TPTE2: variants seen among roughly 807,000 people sequenced by gnomAD.
TPTE2 encodes transmembrane phosphoinositide 3-phosphatase and tensin homolog 2.
In TPTE2, 53 loss-of-function variants were observed where a neutral mutation model predicts 78.6. That is an observed-to-expected ratio of 0.67 (90% confidence interval 0.54 to 0.85). The LOEUF (loss-of-function observed/expected upper bound fraction) is 0.85, where lower values mean the gene tolerates loss of function less well. TPTE2 is among the 40% of genes least tolerant of loss of function. TPTE2 has a pLI of 0.00. For synonymous variants in TPTE2, 175 were observed against 206.2 expected (o/e 0.85, Z 1.30); for missense variants, 461 against 623.0 (o/e 0.74, Z 2.77).
At chr13:19,467,017 T>A (rs2497250) in intron 7 of TPTE2, among the ~76,000 whole-genome samples, 142,273 of 152,240 alleles carry the variant, frequency 0.93, 66,762 homozygotes, top group East Asian at 1. Flanking sequence ...TTAATGGTAC[T>A]TAGCGTGTAT....
chr13:19,448,843 C>T (rs1424572903), intron 13 of TPTE2, among the ~76,000 whole-genome samples: 4 of 152,138 alleles, frequency 2.6e-5, no homozygotes, highest in African/African-American at 7.2e-5. Flanking sequence ...TCTGCACTCC[C>T]GTGTTCACTG....
intron 1 of TPTE2, among the ~76,000 whole-genome samples, chr13:19,501,207 G>A (rs376388523): frequency 2.1e-4 from 7 of 32,634 alleles, no homozygotes; most frequent in Admixed American, 8.4e-4. Flanking sequence ...AATCAATATC[G>A]TGAAAATGGC....
At chr13:19,545,233 A>G in the TPTE2 span, among the ~76,000 whole-genome samples, 2 of 152,192 alleles carry the variant, frequency 1.3e-5, no homozygotes, top group Admixed American at 6.5e-5. Context: ...AAAAGGCTTC[A>G]AAAAGCCTTA....
intron 1 of TPTE2, among the ~76,000 whole-genome samples, chr13:19,536,024 A>G (rs1370591944): frequency 6.6e-6 from 1 of 152,202 alleles, no homozygotes; most frequent in African/African-American, 2.4e-5. Flanking sequence ...ATTTATTCAC[A>G]ACTAATTTCT....
chr13:19,506,620 C>T (rs1368754381), upstream of TPTE2, among the ~76,000 whole-genome samples: 4 of 152,158 alleles, frequency 2.6e-5, no homozygotes, highest in Non-Finnish European at 5.9e-5. Context: ...CAAATAGCTG[C>T]AGTTACTCTA....
At chr13:19,534,365 T>G (rs1210351924) in intron 1 of TPTE2, among the ~76,000 whole-genome samples, 1 of 152,232 alleles carries the variant, frequency 6.6e-6, no homozygotes, top group East Asian at 1.9e-4. Flanking sequence ...CCAGACCGTC[T>G]GTATATGAAA....
intron 6 of TPTE2, among the ~76,000 whole-genome samples, chr13:19,469,492 G>A (rs1191173493): frequency 2.6e-5 from 4 of 152,114 alleles, no homozygotes; most frequent in African/African-American, 9.7e-5. Context: ...GCTTAGAATA[G>A]TTTTGGCTAT....
chr13:19,438,448 AT>A (rs1451186970), intron 13 of TPTE2: 1 of 984,728 alleles, frequency 1.0e-6, no homozygotes, highest in Non-Finnish European at 1.2e-6. Flanking sequence ...GTCTTTTATA[AT>A]TTTTTTGGAT....
At chr13:19,465,082 T>G (rs1381726432) in intron 9 of TPTE2, among the ~76,000 whole-genome samples, 173 bp downstream of exon 12, 3 of 152,208 alleles carry the variant, frequency 2.0e-5, no homozygotes, top group Non-Finnish European at 2.9e-5. Context: ...TGAGAAGACA[T>G]GCAGATCTTC....
intron 15 of TPTE2, among the ~76,000 whole-genome samples, chr13:19,433,264 G>A (rs1566037413): frequency 6.6e-6 from 1 of 152,086 alleles, no homozygotes; most frequent in Non-Finnish European, 1.5e-5. Flanking sequence ...AGCACTTTGG[G>A]AGGCCGAGGT....
intron 1 of TPTE2, among the ~76,000 whole-genome samples, chr13:19,498,330 C>T (rs1199410239): frequency 2.0e-5 from 3 of 151,568 alleles, no homozygotes; most frequent in African/African-American, 7.3e-5. Context: ...AAGAGCAACT[C>T]CAAGACACAT....
the TPTE2 span, among the ~76,000 whole-genome samples, chr13:19,546,596 T>A: frequency 7.0e-6 from 1 of 143,350 alleles, no homozygotes; most frequent in African/African-American, 2.5e-5. Context: ...TTCAAGCAAT[T>A]ATCCTGCCTC....
chr13:19,509,722 C>T (rs979091575), intron 1 of TPTE2, among the ~76,000 whole-genome samples: 1 of 152,054 alleles, frequency 6.6e-6, no homozygotes, highest in African/African-American at 2.4e-5. Context: ...CATATAAAGG[C>T]TCCATTAATA....
At chr13:19,480,306 G>A (rs1376860736) in intron 4 of TPTE2, among the ~76,000 whole-genome samples, 2 of 152,126 alleles carry the variant, frequency 1.3e-5, no homozygotes, top group Non-Finnish European at 2.9e-5. Context: ...GACAATATAG[G>A]GGGATGACAT....
intron 1 of TPTE2, among the ~76,000 whole-genome samples, chr13:19,525,872 G>C (rs1870465172): frequency 6.6e-6 from 1 of 151,812 alleles, no homozygotes; most frequent in Non-Finnish European, 1.5e-5. Context: ...TAAAAAAAAA[G>C]GAGGGGGCAA....
chr13:19,546,501 T>G, the TPTE2 span, among the ~76,000 whole-genome samples: 1 of 141,474 alleles, frequency 7.1e-6, no homozygotes, highest in Non-Finnish European at 1.5e-5. Context: ...TTTTTTTTTT[T>G]TTTTTGAGAG....
At chr13:19,435,833 G>C (rs1877043454) in intron 15 of TPTE2, among the ~76,000 whole-genome samples, 1 of 151,490 alleles carries the variant, frequency 6.6e-6, no homozygotes, top group African/African-American at 2.4e-5. Context: ...TGTTCTGCAA[G>C]GGTTGAATTG....
chr13:19,467,980 T>C (rs1033091571), intron 6 of TPTE2, among the ~76,000 whole-genome samples: 4 of 140,090 alleles, frequency 2.9e-5, no homozygotes, highest in African/African-American at 5.2e-5. Context: ...TTAACAAACA[T>C]AGTGATCTCT....
At chr13:19,445,522 G>C (rs1455134867) in intron 13 of TPTE2, among the ~76,000 whole-genome samples, 1 of 152,152 alleles carries the variant, frequency 6.6e-6, no homozygotes, top group African/African-American at 2.4e-5. Flanking sequence ...AACTGTTTTA[G>C]AAAACAGATG....
Sources: allele counts gnomAD v4.1 joint callset (sites outside exome capture counted in the v4.1 genomes callset), GRCh38; gene constraint gnomAD v4.1.1; transcripts MANE v1.5; gene names NCBI Gene and HGNC (gene_info 2026-07-23, HGNC 2026-07-21).